The following SLC5A10 variants were observed in gnomAD, a reference collection of about 807,000 sequenced individuals.
SLC5A10 encodes the protein solute carrier family 5 member 10.
A neutral mutation model predicts 68.9 loss-of-function variants in SLC5A10; 55 were observed. The observed-to-expected ratio is 0.80, with a 90% CI of 0.64 to 1.00. The LOEUF (loss-of-function observed/expected upper bound fraction) is 1.00. Ranked by LOEUF, SLC5A10 falls within the 50% of genes least tolerant of loss-of-function variation. The pLI is 0.00. For missense variants in SLC5A10, 732 were observed against 819.3 expected (o/e 0.89, Z 1.30); for synonymous variants, 344 against 344.8 (o/e 1.00, Z 0.02).
At chr17:18,959,061 G>A (rs1597814493) in intron 2 of SLC5A10, 74 bp from the exon 3 acceptor site, 1 of 1,425,928 alleles carries the variant, frequency 7.0e-7, no homozygotes, top group Non-Finnish European at 9.6e-7. Flanking sequence ...GAGGATGAGG[G>A]AGAAGCTATT....
chr17:18,974,781 A>T (rs528766286), intron 8 of SLC5A10, among the ~76,000 whole-genome samples: 1 of 152,336 alleles, frequency 6.6e-6, no homozygotes, highest in African/African-American at 2.4e-5. Context: ...CATTTTGCAG[A>T]TGAGGAGCCC....
At chr17:19,002,027 A>G (rs1248329192) in intron 9 of SLC5A10, among the ~76,000 whole-genome samples, 1 of 152,160 alleles carries the variant, frequency 6.6e-6, no homozygotes, top group African/African-American at 2.4e-5. Flanking sequence ...CATCCCCATC[A>G]GGCACAGACA....
At chr17:18,952,736 G>C (rs201026410) in intron 1 of SLC5A10, among the ~76,000 whole-genome samples, 17,617 of 152,024 alleles carry the variant, frequency 0.12, 1,303 homozygotes, top group East Asian at 0.39. Context: ...GAGGGCCCTG[G>C]GAACTGGGGG....
chr17:18,960,439 C>A, intron 4 of SLC5A10, 109 bp from the exon 5 acceptor site: 1 of 989,602 alleles, frequency 1.0e-6, no homozygotes, highest in African/African-American at 1.6e-5. Flanking sequence ...TTGAGAGGCT[C>A]GCAGCTGCTT....
chr17:18,984,385 AC>A, intron 9 of SLC5A10, among the ~76,000 whole-genome samples: 1 of 151,484 alleles, frequency 6.6e-6, no homozygotes, highest in African/African-American at 2.4e-5. Context: ...TGAATCCACC[AC>A]AGACCCAGGC....
chr17:19,022,282 GAT>G lies in SLC5A10; in HGVS notation c.*1852_*1853del. ...GCACCGGAGTTGAACTTTAAGTCCAGATCAATGGTAGTGCCACCACTGGGCCT... is the reference window on the plus strand; with the variant it reads ...GCACCGGAGTTGAACTTTAAGTCCAGCAATGGTAGTGCCACCACTGGGCCT... On this transcript the variant is annotated 3_prime_UTR_variant, in exon 15 of 15. Coordinates refer to ENST00000395645, the MANE Select transcript of SLC5A10 (RefSeq NM_001042450.4). The G allele has an allele frequency of 2.0e-6, 1 of 510,316 alleles. No homozygotes were observed. Among genetic ancestry groups the G allele is most frequent in the Non-Finnish European group, 3.5e-6 (1 of 284,264 alleles). The allele number at this position is 510,316 out of a possible 1,614,324, so 31.6% of individuals were successfully genotyped here. A position where few individuals can be genotyped will look rare whatever the true frequency, so the allele number is the denominator to read the frequency against.
At position 18,952,381 on chromosome 17, in the gene SLC5A10, G is replaced by C. The variant is rs150793475; in HGVS notation, c.111+65G>C. On this transcript the variant is annotated intron_variant, in intron 1 of 14. Coordinates refer to ENST00000395645, the MANE Select transcript of SLC5A10 (RefSeq NM_001042450.4). ...AGGGTTGGTGCTTGGGGTGGGAACC[G>C]GGGTCCAGCATGTCCCTGTGGTGTC... 4.4e-4 allele frequency: 683 copies of C among 1,542,278 alleles called. No individual in the cohort carries two copies. In the Middle Eastern group the frequency reaches 8.4e-3, roughly 19 times the overall value.
chr17:19,016,738 C>T (rs1214740457), intron 11 of SLC5A10, among the ~76,000 whole-genome samples: 1 of 152,194 alleles, frequency 6.6e-6, no homozygotes, highest in Non-Finnish European at 1.5e-5. Context: ...GGGCACTTGG[C>T]CCCTTGACCA....
intron 9 of SLC5A10, among the ~76,000 whole-genome samples, chr17:19,009,349 G>A (rs1054870806): frequency 4.7e-5 from 7 of 149,966 alleles, no homozygotes; most frequent in South Asian, 2.1e-4. Context: ...GAACCACCAC[G>A]CTAATTTTAA....
intron 7 of SLC5A10, 36 bp downstream of exon 7, chr17:18,969,458 C>T: frequency 6.3e-7 from 1 of 1,590,378 alleles, no homozygotes; most frequent in Non-Finnish European, 8.6e-7. Flanking sequence ...CGGGGCTGTC[C>T]CCACAGCGAG....
chr17:18,971,073 C>T lies in SLC5A10; in HGVS notation c.701C>T (p.Ser234Phe). The T allele has an allele frequency of 6.2e-7, 1 of 1,614,142 alleles. No individual in the cohort carries two copies. The highest frequency in any genetic ancestry group is 1.3e-5 in the African/African-American group (1 of 75,056). Reference sequence around the variant, plus strand: ...GCAGCCTACGCCCAGGCCATTCCCTCCAGGACCATTGCCAACACCACCTGC... The same window carrying T: ...GCAGCCTACGCCCAGGCCATTCCCTTCAGGACCATTGCCAACACCACCTGC... ...LEAAYAQAIP[S>F]RTIANTTCHL... Residue 234 changes from serine (S) to phenylalanine (F), a missense_variant, in exon 8 of 15, where the codon TCC becomes TTC. Coordinates refer to ENST00000395645, the MANE Select transcript of SLC5A10 (RefSeq NM_001042450.4). The surrounding 1 kb of genome is among the most constrained non-coding windows in gnomAD (Gnocchi z 5.5).
At chr17:18,953,883 A>G (rs2042430209) in intron 1 of SLC5A10, 1 of 152,414 alleles carries the variant, frequency 6.6e-6, no homozygotes, top group Non-Finnish European at 1.5e-5. Context: ...CGAAATCCAA[A>G]ACTTTTCTGG....
intron 9 of SLC5A10, chr17:18,978,329 C>T (rs757584531): frequency 1.9e-5 from 31 of 1,606,460 alleles, no homozygotes; most frequent in African/African-American, 4.0e-5. Context: ...GATCTTGATG[C>T]GGTTCATCTG....
chr17:19,011,184 G>A (rs899617473), intron 9 of SLC5A10, among the ~76,000 whole-genome samples: 2 of 152,188 alleles, frequency 1.3e-5, no homozygotes, highest in Admixed American at 6.5e-5. Flanking sequence ...TTCAATCTTT[G>A]GCCTTAGGAG....
At chr17:19,013,829 C>A (rs1335180153) in intron 10 of SLC5A10, among the ~76,000 whole-genome samples, 1 of 152,008 alleles carries the variant, frequency 6.6e-6, no homozygotes, top group African/African-American at 2.4e-5. Flanking sequence ...CTAAGCCCTC[C>A]AGGGCTGACA....
At position 19,000,665 on chromosome 17, in the gene SLC5A10, C is replaced by T. The variant is rs953795382; in HGVS notation, c.983-12745C>T. Among the ~76,000 whole-genome samples the T allele has an allele frequency of 1.3e-5, 2 of 152,102 alleles. No homozygotes were observed. Among genetic ancestry groups the T allele is most frequent in the Admixed American group, 1.3e-4 (2 of 15,280 alleles). ...CCCAGCAGCCCCAGCCTAAAGCCCCCGGTGGGAAGGGGCCAGTGTGCGGCA... is the reference window on the plus strand; with the variant it reads ...CCCAGCAGCCCCAGCCTAAAGCCCCTGGTGGGAAGGGGCCAGTGTGCGGCA... On this transcript the variant is annotated intron_variant, in intron 9 of 14. Coordinates refer to ENST00000395645, the MANE Select transcript of SLC5A10 (RefSeq NM_001042450.4). This position sits in a 1 kb window ranked among gnomAD's most constrained non-coding sequence, Gnocchi z 5.2.
intron 9 of SLC5A10, chr17:18,979,402 A>T: frequency 1.1e-6 from 1 of 930,748 alleles, no homozygotes; most frequent in Non-Finnish European, 1.6e-6. Flanking sequence ...AGAGACAGAC[A>T]GGCGGGCAGA....
intron 10 of SLC5A10, 146 bp downstream of exon 10, chr17:19,013,663 T>C (rs2152155288): frequency 2.9e-5 from 2 of 70,070 alleles, no homozygotes; most frequent in South Asian, 1.9e-4. Context: ...GTGTCCTCAT[T>C]TGTAAATTGG....
intron 5 of SLC5A10, among the ~76,000 whole-genome samples, chr17:18,965,516 C>A (rs977265838): frequency 5.9e-5 from 9 of 152,214 alleles, no homozygotes; most frequent in Admixed American, 2.6e-4. Flanking sequence ...GGGCCGGTTC[C>A]CAGCCTCCTT....
Sources: allele counts gnomAD v4.1 joint callset (sites outside exome capture counted in the v4.1 genomes callset), GRCh38; gene constraint gnomAD v4.1.1; non-coding constraint Gnocchi (gnomAD v3.1); transcripts MANE v1.5; gene names NCBI Gene and HGNC (gene_info 2026-07-23, HGNC 2026-07-21).